The following SLC38A4 variants were observed in gnomAD, a reference collection of about 807,000 sequenced individuals.
SLC38A4 encodes solute carrier family 38 member 4.
SLC38A4 carries 20 observed loss-of-function variants against 63.1 expected under a neutral mutation model. The observed-to-expected ratio is 0.32, with a 90% CI of 0.22 to 0.46. SLC38A4 has a LOEUF of 0.46. Among genes scored for constraint, SLC38A4 ranks in the 20% least tolerant of loss-of-function variants. The pLI, the probability that SLC38A4 is intolerant of heterozygous loss-of-function variation, is 1.00. For synonymous variants in SLC38A4, 230 were observed against 225.5 expected, an observed-to-expected ratio of 1.02 and a Z score of -0.18; for missense variants, 526 against 663.6, an observed-to-expected ratio of 0.79 and a Z score of 2.28.
intron 1 of SLC38A4, among the ~76,000 whole-genome samples, chr12:46,831,960 C>A (rs528292566): frequency 1.3e-5 from 2 of 148,604 alleles, no homozygotes; most frequent in Admixed American, 1.3e-4. Flanking sequence ...CATACCCCAG[C>A]CCTCCTGGAA....
At position 46,766,744 on chromosome 12, in the gene SLC38A4, A is replaced by G. The variant is rs1219068403; in HGVS notation, c.1601T>C (p.Ile534Thr). Residue 534 changes from isoleucine to threonine, a missense_variant, in exon 17 of 17, where the codon ATA (isoleucine) becomes ACA (threonine). By Grantham distance (89) the Ile-to-Thr change is moderately conservative. Transcript: ENST00000266579. ...FFMIGSMALI[I>T]IDWIYDPPNS... ...TGGAGGATCATAAATCCAGTCAATT[A>G]TAATGAGTGCCATGCTTCCAATCAT... 1.2e-6 allele frequency: 2 copies of G among 1,612,336 alleles called. No individual in the cohort carries two copies. Among genetic ancestry groups the G allele is most frequent in the Non-Finnish European group, 1.7e-6 (2 of 1,178,982 alleles).
chr12:46,796,169 C>T (rs961460797), intron 2 of SLC38A4, among the ~76,000 whole-genome samples: 5 of 152,104 alleles, frequency 3.3e-5, no homozygotes. Flanking sequence ...TCAGCTATAT[C>T]CGTTTCATTT....
At chr12:46,785,813 CTTTATG>C (rs1938750439) in intron 5 of SLC38A4, among the ~76,000 whole-genome samples, 2 of 89,800 alleles carry the variant, frequency 2.2e-5, no homozygotes, top group African/African-American at 8.9e-5. Flanking sequence ...TGTATGGTTT[CTTTATG>C]TTTATACGGA....
intron 1 of SLC38A4, among the ~76,000 whole-genome samples, 185 bp from the exon 2 acceptor site, chr12:46,803,979 A>G (rs189317032): frequency 3.0e-4 from 45 of 152,192 alleles, no homozygotes; most frequent in Non-Finnish European, 4.7e-4. Context: ...TGACTGATGA[A>G]TCCAGAAATA....
At chr12:46,827,405 C>A (rs1939674202), upstream of SLC38A4, among the ~76,000 whole-genome samples, 1 of 152,040 alleles carries the variant, frequency 6.6e-6, no homozygotes, top group Non-Finnish European at 1.5e-5. Context: ...GGTATGCAGA[C>A]CTCTGAGCTT....
intron 7 of SLC38A4, among the ~76,000 whole-genome samples, chr12:46,783,784 G>GT (rs1938699738): frequency 6.6e-6 from 1 of 151,954 alleles, no homozygotes; most frequent in African/African-American, 2.4e-5. Flanking sequence ...AGGTGAGGGA[G>GT]TAAGTGTCAT....
In SLC38A4 at chr12:46,774,854, T is replaced by C. The variant is rs150635872; in HGVS notation, c.1299+195A>G. 3.9e-5 allele frequency among the ~76,000 whole-genome samples: 6 copies of C among 152,120 alleles called. 1 individual carries two copies. Among genetic ancestry groups the C allele is most frequent in the African/African-American group, 1.4e-4 (6 of 41,542 alleles). On this transcript the variant is annotated intron_variant, in intron 14 of 16. Transcript: ENST00000266579. ...TGATTTTTTTCCTACACTATAAAAA[T>C]ACCACCTGAAACTACTTGCTCTATC... is the stretch of plus-strand genomic sequence containing the variant.
At chr12:46,779,280 G>A (rs180425) in intron 10 of SLC38A4, among the ~76,000 whole-genome samples, 141,121 of 151,886 alleles carry the variant, frequency 0.93, 65,927 homozygotes, top group Non-Finnish European at 0.98. Context: ...GTGAATATGG[G>A]TATAGCCTTC....
rs76703958 is a variant in SLC38A4, at chr12:46,800,568, A to G, written c.-113+3035T>C. 1.6e-3 allele frequency among the ~76,000 whole-genome samples: 236 copies of G among 152,130 alleles called. No individual in the cohort carries two copies. In the East Asian group the frequency reaches 0.018, roughly 12 times the overall value. On this transcript the variant is annotated intron_variant, in intron 2 of 16. Coordinates refer to ENST00000266579, the MANE Select transcript of SLC38A4 (RefSeq NM_018018.5). ...ACAACCTGAAAATCTTTAAAGGCCAATTGGTCAGAGTGTCCTGCTCTGACC... is the reference window on the plus strand; with the variant it reads ...ACAACCTGAAAATCTTTAAAGGCCAGTTGGTCAGAGTGTCCTGCTCTGACC...
intron 7 of SLC38A4, among the ~76,000 whole-genome samples, chr12:46,783,050 G>GTGTGTGTGTGTA (rs1555170935): frequency 7.4e-6 from 1 of 135,638 alleles, no homozygotes; most frequent in African/African-American, 2.6e-5. Flanking sequence ...GTGTGTGTGT[G>GTGTGTGTGTGTA]TGTGTGTGTT....
intron 9 of SLC38A4, 30 bp downstream of exon 9, chr12:46,779,750 A>C: frequency 6.3e-7 from 1 of 1,588,224 alleles, no homozygotes; most frequent in Non-Finnish European, 8.6e-7. Context: ...AATAAAAATA[A>C]AAATATTTCC....
intron 2 of SLC38A4, among the ~76,000 whole-genome samples, chr12:46,795,183 C>T (rs1308987374): frequency 2.6e-5 from 4 of 151,852 alleles, no homozygotes; most frequent in Non-Finnish European, 5.9e-5. Flanking sequence ...ACTGGTTACC[C>T]ATAAAAAATA....
At chr12:46,802,800 C>A (rs1939158155) in intron 2 of SLC38A4, among the ~76,000 whole-genome samples, 1 of 151,878 alleles carries the variant, frequency 6.6e-6, no homozygotes, top group African/African-American at 2.4e-5. Flanking sequence ...TTTTACTATA[C>A]CCTGGGCATT....
chr12:46,822,741 G>A (rs1484746882), intron 1 of SLC38A4, among the ~76,000 whole-genome samples: 1 of 152,094 alleles, frequency 6.6e-6, no homozygotes, highest in African/African-American at 2.4e-5. Context: ...GTTTGACCTT[G>A]GAAACAACAA....
chr12:46,782,869 C>T (rs1053421957), intron 7 of SLC38A4, among the ~76,000 whole-genome samples: 1 of 148,778 alleles, frequency 6.7e-6, no homozygotes, highest in African/African-American at 2.5e-5. Flanking sequence ...GTCCATCAGA[C>T]TCCAAAAGCT....
At chr12:46,780,832 C>G (rs1938623149) in intron 7 of SLC38A4, among the ~76,000 whole-genome samples, 1 of 151,918 alleles carries the variant, frequency 6.6e-6, no homozygotes, top group South Asian at 2.1e-4. Flanking sequence ...ATGCATCACG[C>G]CTTTTTCAAG....
intron 14 of SLC38A4, among the ~76,000 whole-genome samples, chr12:46,772,318 A>G (rs950887593): frequency 4.6e-5 from 7 of 152,106 alleles, no homozygotes; most frequent in African/African-American, 1.7e-4. Context: ...TGAAGGCAAC[A>G]TAAGTGAAAA....
chr12:46,813,965 G>A (rs931872019), intron 1 of SLC38A4, among the ~76,000 whole-genome samples: 1 of 151,988 alleles, frequency 6.6e-6, no homozygotes, highest in Non-Finnish European at 1.5e-5. Flanking sequence ...ATATGATACC[G>A]ATTTAATAAG....
At chr12:46,819,972 T>C (rs1939508734) in intron 1 of SLC38A4, among the ~76,000 whole-genome samples, 1 of 151,924 alleles carries the variant, frequency 6.6e-6, no homozygotes, top group South Asian at 2.1e-4. Flanking sequence ...AGTTAAATTA[T>C]GTGCAACAAA....
Sources: gnomAD v4.1 joint callset for allele counts (sites outside exome capture counted in the v4.1 genomes callset) on GRCh38, gnomAD v4.1.1 for gene constraint, MANE v1.5 for transcripts, NCBI Gene and HGNC (gene_info 2026-07-23, HGNC 2026-07-21) for gene names.